The following SUGP2 variants were observed in gnomAD, a reference collection of about 807,000 sequenced individuals.
The protein encoded by SUGP2 is SURP and G-patch domain-containing protein 2.
SUGP2 carries 24 observed loss-of-function variants against 90.5 expected under a neutral mutation model. The ratio of observed to expected loss-of-function variants is 0.27; its 90% CI spans 0.19 to 0.37. The LOEUF is 0.37. Ranked by LOEUF, SUGP2 falls within the 10% of genes least tolerant of loss-of-function variation. The pLI, the probability that SUGP2 is intolerant of heterozygous loss-of-function variation, is 1.00. For missense variants in SUGP2, 1,233 were observed against 1,363.3 expected, an observed-to-expected ratio of 0.90 and a Z score of 1.51; for synonymous variants, 473 against 513.4, an observed-to-expected ratio of 0.92 and a Z score of 1.06.
intron 1 of SUGP2, chr19:19,033,173 A>T: frequency 4.9e-6 from 1 of 206,062 alleles, no homozygotes; most frequent in Non-Finnish European, 9.0e-6. Context: ...CGAGTTCGGG[A>T]GGAATGAATG....
chr19:18,994,612 A>G lies in SUGP2; in HGVS notation c.3129-126T>C, dbSNP rs2057499014. The G allele has an allele frequency of 2.6e-5, 35 of 1,347,724 alleles. No individual in the cohort carries two copies. In the South Asian group the frequency reaches 5.0e-4, roughly 19 times the overall value. 83.5% of individuals were successfully genotyped at this position (1,347,724 alleles called of 1,614,324 possible). On this transcript the variant is annotated intron_variant, in intron 9 of 10. Coordinates refer to ENST00000452918, the MANE Select transcript of SUGP2 (RefSeq NM_001017392.5). ...GGGACACACACTGAGACATCAAAGA[A>G]AGGGAAAATCAAGACGCGACTCACA...
chr19:19,018,507 G>A (rs1243826552), intron 4 of SUGP2, among the ~76,000 whole-genome samples: 2 of 151,642 alleles, frequency 1.3e-5, no homozygotes, highest in East Asian at 3.9e-4. Context: ...CTAACACTAT[G>A]AAACCCCATC....
At position 19,010,216 on chromosome 19, in the gene SUGP2, C is replaced by T; in HGVS notation, c.1977G>A (p.Arg659=). The T allele has an allele frequency of 1.9e-6, 3 of 1,614,002 alleles. No homozygotes were observed. Among genetic ancestry groups the T allele is most frequent in the Non-Finnish European group, 2.5e-6 (3 of 1,180,020 alleles). ...GGACAGCCCGGGAGTACAGCATGGCCCTCACTGCACAGTCTGCTGAGGTCG... is the reference window on the plus strand; with the variant it reads ...GGACAGCCCGGGAGTACAGCATGGCTCTCACTGCACAGTCTGCTGAGGTCG... ...QKPTSADCAV[R]AMLYSRAVRN... The change falls in exon 5 of 11, where the codon AGG becomes AGA. Residue 659 remains arginine, a synonymous_variant. Coordinates refer to ENST00000452918, the MANE Select transcript of SUGP2 (RefSeq NM_001017392.5).
In SUGP2 at chr19:18,994,427, G is replaced by A; in HGVS notation, c.3188C>T (p.Thr1063Ile). The change falls in exon 10 of 11, where the codon ACA becomes ATA. Residue 1063 changes from threonine to isoleucine, a missense_variant. Transcript: ENST00000452918. ...GADGQEHKED[T>I]FDVFRQRMMQ... ...CATCCTCTGTCGGAACACATCGAATGTGTCTTCTTTGTGCTCCTGCCCGTC... is the reference window on the plus strand; with the variant it reads ...CATCCTCTGTCGGAACACATCGAATATGTCTTCTTTGTGCTCCTGCCCGTC... 1 of 1,614,222 alleles carries A rather than the reference G, an allele frequency of 6.2e-7. No homozygotes were observed. Among genetic ancestry groups the A allele is most frequent in the Non-Finnish European group, 8.5e-7 (1 of 1,180,030 alleles).
chr19:19,032,447 A>C lies in SUGP2; in HGVS notation c.-12+990T>G, dbSNP rs149645666. ...GTGCTGGGATTCCAGGCCGTGAGCCACTGCGCCTGGCCCAGGATCACTCTT... is the reference window on the plus strand; with the variant it reads ...GTGCTGGGATTCCAGGCCGTGAGCCCCTGCGCCTGGCCCAGGATCACTCTT... On this transcript the variant is annotated intron_variant, in intron 1 of 10. Coordinates refer to ENST00000452918, the MANE Select transcript of SUGP2 (RefSeq NM_001017392.5). Among the ~76,000 whole-genome samples the C allele has an allele frequency of 2.5e-3, 378 of 152,294 alleles. 2 individuals are homozygous for C. Among genetic ancestry groups the C allele is most frequent in the African/African-American group, 8.7e-3 (362 of 41,560 alleles).
intron 8 of SUGP2, among the ~76,000 whole-genome samples, chr19:18,998,682 C>T (rs1277111699): frequency 6.6e-6 from 1 of 151,762 alleles, no homozygotes; most frequent in African/African-American, 2.4e-5. Context: ...TGGATGCAGG[C>T]GGCCCCTCCA....
At chr19:18,998,372 G>A (rs2057693578) in intron 8 of SUGP2, among the ~76,000 whole-genome samples, 1 of 152,152 alleles carries the variant, frequency 6.6e-6, no homozygotes, top group Non-Finnish European at 1.5e-5. Flanking sequence ...CTGCAGTCTT[G>A]AACTCCCGGG....
intron 8 of SUGP2, 123 bp from the exon 9 acceptor site, chr19:18,995,403 G>T: frequency 8.6e-7 from 1 of 1,166,326 alleles, no homozygotes; most frequent in Non-Finnish European, 1.2e-6. Flanking sequence ...AGATGCTCAG[G>T]CTCAAGCTCC....
rs1320255431 is a variant in SUGP2, at chr19:19,026,076, C to A, written c.272G>T (p.Arg91Ile). 6 of 1,614,152 alleles carry A rather than the reference C, an allele frequency of 3.7e-6. No individual in the cohort carries two copies. The highest frequency in any genetic ancestry group is 5.1e-6 in the Non-Finnish European group (6 of 1,180,034). Residue 91 changes from arginine (R) to isoleucine (I), a missense_variant, in exon 3 of 11, where the codon AGA (arginine) becomes ATA (isoleucine). By Grantham distance (97) the Arg-to-Ile change is moderately conservative. Around this residue, in one of 8 missense-constraint regions of SUGP2, gnomAD observed 418 missense variants for 399.9 expected, o/e 1.05. Transcript: ENST00000452918. ...ATCACTGATGGAAGGGTTGCTTGATCTGAAGGAAGGCCCTGGAAATACGTC... is the reference window on the plus strand; with the variant it reads ...ATCACTGATGGAAGGGTTGCTTGATATGAAGGAAGGCCCTGGAAATACGTC... ...RSDVFPGPSFRSSNPSISDDS... is the reference protein window; with the variant it reads ...RSDVFPGPSFISSNPSISDDS...
Position 19,004,535 on chromosome 19 carries a change from A to G in SUGP2, c.2562T>C (p.Gly854=), listed in dbSNP as rs1402808006. 1.2e-6 allele frequency: 2 copies of G among 1,614,206 alleles called. No homozygotes were observed. The highest frequency in any genetic ancestry group is 1.7e-6 in the Non-Finnish European group (2 of 1,180,022). The change falls in exon 7 of 11, where the codon GGT becomes GGC. Residue 854 remains glycine, a synonymous_variant. Transcript: ENST00000452918. ...TCTCCTGAGAACCCGTGGTGTCACCACCACCAGTGTGAAGGTTGTGCGGAG... is the reference window on the plus strand; with the variant it reads ...TCTCCTGAGAACCCGTGGTGTCACCGCCACCAGTGTGAAGGTTGTGCGGAG... ...TSSPHNLHTG[G]GDTTGSQESP... is the part of the protein sequence containing the mutation.
At chr19:19,015,212 T>A (rs936084256) in intron 4 of SUGP2, among the ~76,000 whole-genome samples, 2 of 149,706 alleles carry the variant, frequency 1.3e-5, no homozygotes, top group African/African-American at 4.9e-5. Flanking sequence ...AAAAAATAAA[T>A]AAATAAATAA....
At chr19:19,033,287 C>T in intron 1 of SUGP2, 150 bp downstream of exon 1, 2 of 937,716 alleles carry the variant, frequency 2.1e-6, no homozygotes. Flanking sequence ...GCCGGCCACC[C>T]AGGCCAACCC....
chr19:18,995,116 C>CAA, intron 9 of SUGP2, 28 bp downstream of exon 9: 1 of 1,567,400 alleles, frequency 6.4e-7, no homozygotes, highest in Non-Finnish European at 8.7e-7. Context: ...GCCCCACCCA[C>CAA]TCCCACCCCA....
chr19:19,018,616 G>A (rs2145602343), intron 4 of SUGP2, among the ~76,000 whole-genome samples: 1 of 150,314 alleles, frequency 6.7e-6, no homozygotes, highest in Non-Finnish European at 1.5e-5. Flanking sequence ...GAACCCGGGA[G>A]GCGGAGGTTG....
At position 19,025,421 on chromosome 19, in the gene SUGP2, G is replaced by A. The variant is rs774067520; in HGVS notation, c.927C>T (p.Leu309=). Residue 309 remains leucine, a synonymous_variant, in exon 3 of 11, where the codon CTC becomes CTT. Coordinates refer to ENST00000452918, the MANE Select transcript of SUGP2 (RefSeq NM_001017392.5). Reference sequence around the variant, plus strand: ...TGTCAAAGCTCATCTTTCTTCTGGGGAGCCGAAGATTCTTCAGATCCAGCC... The same window carrying A: ...TGTCAAAGCTCATCTTTCTTCTGGGAAGCCGAAGATTCTTCAGATCCAGCC... ...PLGLDLKNLR[L]PRRKMSFDII... 3.1e-6 allele frequency: 5 copies of A among 1,614,016 alleles called. No individual in the cohort carries two copies. In the East Asian group the frequency reaches 1.1e-4, roughly 36 times the overall value.
intron 8 of SUGP2, among the ~76,000 whole-genome samples, chr19:18,997,236 G>A (rs892932145): frequency 2.0e-5 from 3 of 152,064 alleles, no homozygotes; most frequent in African/African-American, 7.2e-5. Context: ...AGGCACTCCA[G>A]AGACAAAGGA....
At position 19,010,199 on chromosome 19, in the gene SUGP2, C is replaced by T. The variant is rs369530300; in HGVS notation, c.1994G>A (p.Arg665Gln). The part of the protein sequence containing the change: ...DCAVRAMLYS[R>Q]AVRNLKKKLL... ...TTTCTTCTTGAGGTTGCGGACAGCC[C>T]GGGAGTACAGCATGGCCCTCACTGC... Residue 665 changes from arginine to glutamine, a missense_variant, in exon 5 of 11, where the codon CGG becomes CAG. Arg to Gln is a conservative substitution (Grantham distance 43). This residue lies in a region of SUGP2 where 540 missense variants were observed against 542.6 expected (regional missense o/e 1.00). Coordinates refer to ENST00000452918, the MANE Select transcript of SUGP2 (RefSeq NM_001017392.5). The T allele has an allele frequency of 2.7e-5, 44 of 1,613,700 alleles. 1 individual carries two copies. The Admixed American group carries it at 3.0e-4, about 11-fold the overall frequency.
chr19:19,026,254 AG>A (rs1555747332), intron 2 of SUGP2, 28 bp from the exon 3 acceptor site: 1 of 1,478,110 alleles, frequency 6.8e-7, no homozygotes, highest in African/African-American at 1.4e-5. Flanking sequence ...AAAAAAAAAA[AG>A]AAGAAGCCAA....
rs971583625 is a variant in SUGP2 at position 18,993,543 on chromosome 19, T to C, written c.*198A>G. The stretch of plus-strand genomic sequence containing the variant: ...AACAGAGAGGAGAGGCAAAAGCACA[T>C]TGAAAATGGTGCATGTTTTTTTCTT... On this transcript the variant is annotated 3_prime_UTR_variant, in exon 11 of 11. Transcript: ENST00000452918. 2.0e-5 allele frequency: 3 copies of C among 152,466 alleles called. No homozygotes were observed. Among genetic ancestry groups the C allele is most frequent in the Admixed American group, 6.6e-5 (1 of 15,258 alleles). 9.4% of individuals were successfully genotyped at this position (152,466 alleles called of 1,614,324 possible).
Sources: gnomAD v4.1 joint callset for allele counts (sites outside exome capture counted in the v4.1 genomes callset) on GRCh38, gnomAD v4.1.1 for gene constraint, gnomAD v4.1.1 regional missense constraint, MANE v1.5 for transcripts, NCBI Gene and HGNC (gene_info 2026-07-23, HGNC 2026-07-21) for gene names.